The following BTRC variants were observed in gnomAD, a reference collection of about 807,000 sequenced individuals.
The protein encoded by BTRC is beta-transducin repeat containing E3 ubiquitin protein ligase.
BTRC carries 42 observed loss-of-function variants against 85.5 expected under a neutral mutation model. The observed-to-expected ratio is 0.49, with a 90% CI of 0.38 to 0.64. The LOEUF (loss-of-function observed/expected upper bound fraction) is 0.64. Ranked by LOEUF, BTRC falls within the 30% of genes least tolerant of loss-of-function variation. The pLI, the probability that BTRC is intolerant of heterozygous loss-of-function variation, is 0.00. For missense variants in BTRC, 594 were observed against 743.5 expected (o/e 0.80, Z 2.34); for synonymous variants, 255 against 263.3 (o/e 0.97, Z 0.30).
At chr10:101,516,852 G>C (rs1376294108) in intron 4 of BTRC, among the ~76,000 whole-genome samples, 1 of 152,080 alleles carries the variant, frequency 6.6e-6, no homozygotes, top group Non-Finnish European at 1.5e-5. Context: ...CTGGCATTCT[G>C]GTCTTTATCC....
intron 2 of BTRC, among the ~76,000 whole-genome samples, chr10:101,452,230 G>A (rs916559184): frequency 2.6e-5 from 4 of 152,162 alleles, no homozygotes; most frequent in Admixed American, 2.6e-4. Flanking sequence ...CTGCATACTA[G>A]CATAAATGCA....
chr10:101,512,966 G>A (rs1295701471), intron 4 of BTRC, among the ~76,000 whole-genome samples: 2 of 152,198 alleles, frequency 1.3e-5, no homozygotes. Context: ...GAGTCATCAG[G>A]CTTTTGTTGG....
chr10:101,407,904 A>G (rs1280813483), intron 1 of BTRC, among the ~76,000 whole-genome samples: 2 of 151,322 alleles, frequency 1.3e-5, no homozygotes, highest in African/African-American at 4.9e-5. Flanking sequence ...TTGTATTTTT[A>G]GTAGAGACAG....
chr10:101,472,744 G>T (rs1945566810), intron 3 of BTRC, among the ~76,000 whole-genome samples: 1 of 152,180 alleles, frequency 6.6e-6, no homozygotes, highest in African/African-American at 2.4e-5. Context: ...GAACCCGGGA[G>T]ACGGAGGTTG....
chr10:101,364,149 TG>T (rs1942296181), intron 1 of BTRC, among the ~76,000 whole-genome samples: 1 of 152,108 alleles, frequency 6.6e-6, no homozygotes, highest in Non-Finnish European at 1.5e-5. Context: ...TGACAACTAT[TG>T]TGCTTTCTTC....
At chr10:101,391,913 G>A (rs1019317356) in intron 1 of BTRC, among the ~76,000 whole-genome samples, 2 of 152,166 alleles carry the variant, frequency 1.3e-5, no homozygotes, top group African/African-American at 4.8e-5. Flanking sequence ...ACCTTGTAAA[G>A]TGACTAATGA....
intron 1 of BTRC, among the ~76,000 whole-genome samples, chr10:101,387,986 G>A (rs992859260): frequency 5.3e-5 from 8 of 151,768 alleles, no homozygotes; most frequent in Non-Finnish European, 1.2e-4. Flanking sequence ...CACCATGCCC[G>A]GCCTTTGGAA....
rs770297853 is a variant in BTRC at position 101,424,811 on chromosome 10, AC to A, written c.49-5533del. On this transcript the variant is annotated intron_variant, in intron 1 of 14. Coordinates refer to ENST00000370187, the MANE Select transcript of BTRC (RefSeq NM_033637.4). ...CCTTCATTGCAATCTTGTTTTTTCA[AC>A]TTTTATTTTAAAATTGGGGTATATG... 2.6e-5 allele frequency among the ~76,000 whole-genome samples: 4 copies of A among 152,186 alleles called. No homozygotes were observed. In the South Asian group the frequency reaches 6.2e-4, roughly 24 times the overall value.
intron 13 of BTRC, among the ~76,000 whole-genome samples, chr10:101,544,941 C>CT (rs1271119392): frequency 6.6e-6 from 1 of 151,674 alleles, no homozygotes; most frequent in Non-Finnish European, 1.5e-5. Context: ...AGTGCAACAA[C>CT]TTTTGGGTGG....
intron 2 of BTRC, among the ~76,000 whole-genome samples, chr10:101,448,135 G>A (rs1330570099): frequency 6.6e-6 from 1 of 152,066 alleles, no homozygotes; most frequent in Admixed American, 6.5e-5. Context: ...GTAGATTAGA[G>A]GTATACAGCC....
intron 4 of BTRC, among the ~76,000 whole-genome samples, chr10:101,506,367 C>T (rs1255343414): frequency 6.6e-6 from 1 of 152,164 alleles, no homozygotes; most frequent in Non-Finnish European, 1.5e-5. Context: ...TCCTATAAGA[C>T]CTTTCCTGCC....
At chr10:101,362,051 C>T (rs1942223464) in intron 1 of BTRC, among the ~76,000 whole-genome samples, 1 of 152,142 alleles carries the variant, frequency 6.6e-6, no homozygotes, top group African/African-American at 2.4e-5. Context: ...ACCCCCGACT[C>T]CCTGGTTCAA....
intron 13 of BTRC, among the ~76,000 whole-genome samples, chr10:101,541,298 C>T (rs1168261371): frequency 1.4e-5 from 2 of 147,194 alleles, no homozygotes; most frequent in Non-Finnish European, 3.0e-5. Context: ...CTCGCTCTTT[C>T]ACCCAGGCTG....
intron 3 of BTRC, among the ~76,000 whole-genome samples, chr10:101,463,822 A>C (rs1419826903): frequency 1.3e-5 from 2 of 152,132 alleles, no homozygotes; most frequent in Non-Finnish European, 2.9e-5. Context: ...TTTAGAGGGA[A>C]AGTACTTGAA....
chr10:101,437,098 T>G (rs1019698636), intron 2 of BTRC, among the ~76,000 whole-genome samples: 2 of 152,204 alleles, frequency 1.3e-5, no homozygotes, highest in Non-Finnish European at 2.9e-5. Context: ...AATTTCTGTG[T>G]AGCACAATTT....
chr10:101,474,638 C>T (rs1454638820), intron 3 of BTRC, among the ~76,000 whole-genome samples: 3 of 152,178 alleles, frequency 2.0e-5, no homozygotes, highest in Admixed American at 2.0e-4. Flanking sequence ...TTTCTGTTCT[C>T]TATTGCCAGC....
chr10:101,446,264 G>A (rs1320963949), intron 2 of BTRC, among the ~76,000 whole-genome samples: 2 of 152,010 alleles, frequency 1.3e-5, no homozygotes, highest in Non-Finnish European at 2.9e-5. Flanking sequence ...AGCCTCTAAG[G>A]TATTCTAAAT....
intron 2 of BTRC, among the ~76,000 whole-genome samples, chr10:101,431,617 T>C (rs1162488943): frequency 1.3e-5 from 2 of 152,202 alleles, no homozygotes; most frequent in Non-Finnish European, 2.9e-5. Flanking sequence ...ATATTAATAT[T>C]TGCCTGCTTT....
rs2062686292 is a variant in BTRC at position 101,553,671 on chromosome 10, AGTT to A, written c.*549_*551del. The A allele has an allele frequency of 6.6e-6, 1 of 152,666 alleles. No individual in the cohort carries two copies. Among genetic ancestry groups the A allele is most frequent in the Admixed American group, 6.6e-5 (1 of 15,262 alleles). The allele number at this position is 152,666 out of a possible 1,614,324, so 9.5% of individuals were successfully genotyped here. The stretch of plus-strand genomic sequence containing the variant: ...CCCCAATATGCTTAGGAGGAGACAG[AGTT>A]CCCTCTGTATAGCCTCTGGGACAAG... On this transcript the variant is annotated 3_prime_UTR_variant, in exon 15 of 15. Transcript: ENST00000370187.
Sources: allele counts gnomAD v4.1 joint callset (sites outside exome capture counted in the v4.1 genomes callset), GRCh38; gene constraint gnomAD v4.1.1; transcripts MANE v1.5; gene names NCBI Gene and HGNC (gene_info 2026-07-23, HGNC 2026-07-21).